TMEM236: variants seen among roughly 807,000 people sequenced by gnomAD.
The protein encoded by TMEM236 is transmembrane protein 236.
TMEM236 carries 11 observed loss-of-function variants against 14.7 expected under a neutral mutation model. The ratio of observed to expected loss-of-function variants is 0.75; its 90% CI spans 0.47 to 1.24. The LOEUF (loss-of-function observed/expected upper bound fraction) is 1.24. TMEM236 is among the 50% of genes most tolerant of loss of function. The pLI, the probability that TMEM236 is intolerant of heterozygous loss-of-function variation, is 0.00. For missense variants in TMEM236, 464 were observed against 427.3 expected, an observed-to-expected ratio of 1.09 and a Z score of -0.76; for synonymous variants, 182 against 168.6, an observed-to-expected ratio of 1.08 and a Z score of -0.62.
intron 3 of TMEM236, among the ~76,000 whole-genome samples, chr10:17,781,931 T>C (rs1463863008): frequency 1.3e-5 from 2 of 152,120 alleles, no homozygotes; most frequent in Non-Finnish European, 2.9e-5. Flanking sequence ...TAAAAATCAT[T>C]AACCTAGGGC....
At chr10:17,777,074 C>T (rs2131753924) in intron 3 of TMEM236, among the ~76,000 whole-genome samples, 1 of 152,206 alleles carries the variant, frequency 6.6e-6, no homozygotes, top group East Asian at 1.9e-4. Flanking sequence ...GAGTGAGCCT[C>T]AGGAGACAGC....
chr10:17,780,765 T>A (rs2131756823), intron 3 of TMEM236, among the ~76,000 whole-genome samples: 1 of 151,578 alleles, frequency 6.6e-6, no homozygotes, highest in East Asian at 1.9e-4. Flanking sequence ...AAGGAGTGAG[T>A]TTAGGAGCGG....
intron 3 of TMEM236, among the ~76,000 whole-genome samples, chr10:17,780,153 C>T (rs1837723544): frequency 6.6e-6 from 1 of 152,162 alleles, no homozygotes; most frequent in Admixed American, 6.5e-5. Context: ...CACCATTTCC[C>T]CTCCCACTTA....
intron 1 of TMEM236, among the ~76,000 whole-genome samples, chr10:17,768,726 C>CGTGTGTGTGT (rs1420008913): frequency 3.8e-4 from 47 of 122,652 alleles, no homozygotes; most frequent in East Asian, 2.4e-3. Context: ...GTATACAACT[C>CGTGTGTGTGT]ATGTGTGTGT....
At chr10:17,762,711 G>A (rs1388321867) in intron 1 of TMEM236, among the ~76,000 whole-genome samples, 2 of 148,608 alleles carry the variant, frequency 1.3e-5, no homozygotes, top group African/African-American at 2.5e-5. Flanking sequence ...TCTGTCACCC[G>A]GGTTGGAGTG....
chr10:17,759,439 C>A (rs1362978642), intron 1 of TMEM236, among the ~76,000 whole-genome samples: 2 of 152,100 alleles, frequency 1.3e-5, no homozygotes, highest in Non-Finnish European at 2.9e-5. Context: ...GAATCCTGGG[C>A]AGGGCAAGTT....
At chr10:17,768,076 A>G (rs1169412509) in intron 1 of TMEM236, among the ~76,000 whole-genome samples, 7 of 120,994 alleles carry the variant, frequency 5.8e-5, no homozygotes, top group Non-Finnish European at 8.2e-5. Context: ...ACACCTCGCT[A>G]ATTTTTGTGG....
chr10:17,756,391 G>T (rs1564591612), intron 1 of TMEM236, among the ~76,000 whole-genome samples: 1 of 152,012 alleles, frequency 6.6e-6, no homozygotes, highest in Admixed American at 6.6e-5. Context: ...TGCCTCCCAG[G>T]TTCACACGAT....
intron 1 of TMEM236, among the ~76,000 whole-genome samples, chr10:17,756,952 A>G (rs1837293076): frequency 1.3e-5 from 2 of 152,134 alleles, no homozygotes; most frequent in African/African-American, 4.8e-5. Context: ...TGTCATGACT[A>G]CATCTCTCAG....
intron 1 of TMEM236, among the ~76,000 whole-genome samples, chr10:17,752,770 T>C (rs1441822523): frequency 6.6e-6 from 1 of 152,144 alleles, no homozygotes; most frequent in Non-Finnish European, 1.5e-5. Flanking sequence ...TTTTGCCATG[T>C]TGGCCAGGCT....
rs1192134511 is a variant in TMEM236 at position 17,798,254 on chromosome 10, T to G, written c.*1750T>G. ...AAGAATGAAGCTTAAGAATTTGACA[T>G]ATGGCCGGCTGTGGTGGCTCACACG... On this transcript the variant is annotated 3_prime_UTR_variant, in exon 4 of 4. Coordinates refer to ENST00000377495, the MANE Select transcript of TMEM236 (RefSeq NM_001098844.3). The G allele has an allele frequency of 1.3e-5, 3 of 230,942 alleles. No individual in the cohort carries two copies. The highest frequency in any genetic ancestry group is 6.9e-5 in the African/African-American group (3 of 43,430). 14.3% of individuals were successfully genotyped at this position (230,942 alleles called of 1,614,324 possible).
intron 1 of TMEM236, among the ~76,000 whole-genome samples, chr10:17,759,480 G>A (rs2131740847): frequency 6.6e-6 from 1 of 152,130 alleles, no homozygotes; most frequent in East Asian, 1.9e-4. Context: ...CATTTTACCT[G>A]GCTTAAGGTT....
At chr10:17,774,637 C>G (rs1233466679) in intron 2 of TMEM236, among the ~76,000 whole-genome samples, 1 of 152,094 alleles carries the variant, frequency 6.6e-6, no homozygotes, top group Non-Finnish European at 1.5e-5. Flanking sequence ...GTAAATCTTC[C>G]TAGCTTATTC....
At chr10:17,764,186 C>T (rs1837422587) in intron 1 of TMEM236, among the ~76,000 whole-genome samples, 1 of 152,206 alleles carries the variant, frequency 6.6e-6, no homozygotes, top group Admixed American at 6.5e-5. Context: ...ATCCTTTCCA[C>T]CCACCATGCT....
intron 2 of TMEM236, among the ~76,000 whole-genome samples, chr10:17,771,594 A>AT (rs1837574254): frequency 6.6e-6 from 1 of 152,188 alleles, no homozygotes; most frequent in Non-Finnish European, 1.5e-5. Context: ...TTAAAAATTA[A>AT]TTTTGTGTTT....
At chr10:17,779,574 C>G (rs1181087409) in intron 3 of TMEM236, among the ~76,000 whole-genome samples, 1 of 152,072 alleles carries the variant, frequency 6.6e-6, no homozygotes, top group Non-Finnish European at 1.5e-5. Context: ...CCATGCCTGG[C>G]TAATTTTTGT....
chr10:17,780,926 A>G (rs1218748331), intron 3 of TMEM236, among the ~76,000 whole-genome samples: 1 of 152,018 alleles, frequency 6.6e-6, no homozygotes, highest in Non-Finnish European at 1.5e-5. Context: ...GGGCTCAGAG[A>G]TTGGTTGGAC....
intron 3 of TMEM236, among the ~76,000 whole-genome samples, chr10:17,779,537 A>G (rs1291854484): frequency 6.6e-5 from 10 of 152,128 alleles, no homozygotes; most frequent in Non-Finnish European, 1.0e-4. Flanking sequence ...CAGCCTCCCA[A>G]GTAGCTGGGA....
At chr10:17,764,092 A>G (rs1039420778) in intron 1 of TMEM236, among the ~76,000 whole-genome samples, 3 of 152,216 alleles carry the variant, frequency 2.0e-5, no homozygotes, top group African/African-American at 2.4e-5. Flanking sequence ...GCCTTGAAAG[A>G]TGGGCAGGGA....
Sources: allele counts gnomAD v4.1 joint callset (sites outside exome capture counted in the v4.1 genomes callset), GRCh38; gene constraint gnomAD v4.1.1; transcripts MANE v1.5; gene names NCBI Gene and HGNC (gene_info 2026-07-23, HGNC 2026-07-21).